FIGN: variants seen among roughly 807,000 people sequenced by gnomAD.
FIGN encodes fidgetin.
Under a neutral mutation model 51.3 loss-of-function variants are expected in FIGN, and 11 were observed. The observed-to-expected ratio is 0.21, with a 90% CI of 0.13 to 0.35. The LOEUF (loss-of-function observed/expected upper bound fraction) is 0.35. Ranked by LOEUF, FIGN falls within the 10% of genes least tolerant of loss-of-function variation. The pLI, the probability that FIGN is intolerant of heterozygous loss-of-function variation, is 1.00. For synonymous variants in FIGN, 407 were observed against 363.2 expected (o/e 1.12, Z -1.37); for missense variants, 857 against 943.6 (o/e 0.91, Z 1.20).
intron 2 of FIGN, among the ~76,000 whole-genome samples, chr2:163,622,433 A>G (rs952221268): frequency 6.6e-6 from 1 of 152,134 alleles, no homozygotes; most frequent in African/African-American, 2.4e-5. Flanking sequence ...CTATTGTAAA[A>G]TTTTATACTT....
chr2:163,671,734 G>A (rs1683880647), intron 2 of FIGN, among the ~76,000 whole-genome samples: 1 of 152,128 alleles, frequency 6.6e-6, no homozygotes, highest in African/African-American at 2.4e-5. Context: ...CCATAAAAAT[G>A]TGTTAAGTCC....
At chr2:163,629,467 T>C in intron 2 of FIGN, among the ~76,000 whole-genome samples, 1 of 152,088 alleles carries the variant, frequency 6.6e-6, no homozygotes, top group East Asian at 1.9e-4. Flanking sequence ...ATTTTCCTCA[T>C]TGATAACCAT....
intron 2 of FIGN, among the ~76,000 whole-genome samples, chr2:163,734,257 C>T (rs1475710999): frequency 6.6e-6 from 1 of 151,796 alleles, no homozygotes; most frequent in Non-Finnish European, 1.5e-5. Context: ...AAAACCTATC[C>T]CTACTCTTTA....
chr2:163,682,419 T>C (rs1276603826), intron 2 of FIGN, among the ~76,000 whole-genome samples: 1 of 152,212 alleles, frequency 6.6e-6, no homozygotes, highest in African/African-American at 2.4e-5. Context: ...TTAAGCTTTG[T>C]CTATGCTGGA....
intron 2 of FIGN, among the ~76,000 whole-genome samples, chr2:163,715,305 C>T (rs1457618762): frequency 6.6e-6 from 1 of 152,144 alleles, no homozygotes; most frequent in Non-Finnish European, 1.5e-5. Flanking sequence ...GAGTCCCAGC[C>T]CTGCCTCCAG....
At chr2:163,732,934 GT>G (rs1684954280) in intron 2 of FIGN, among the ~76,000 whole-genome samples, 1 of 152,200 alleles carries the variant, frequency 6.6e-6, no homozygotes, top group Non-Finnish European at 1.5e-5. Context: ...AGCTGCCAGA[GT>G]GTGAGCACTT....
chr2:163,623,858 C>A (rs935632131), intron 2 of FIGN, among the ~76,000 whole-genome samples: 1 of 152,030 alleles, frequency 6.6e-6, no homozygotes, highest in African/African-American at 2.4e-5. Flanking sequence ...ATTATTTTAT[C>A]TAGCTCAATT....
chr2:163,650,968 T>A (rs1559008982), intron 2 of FIGN, among the ~76,000 whole-genome samples: 1 of 152,240 alleles, frequency 6.6e-6, no homozygotes, highest in East Asian at 1.9e-4. Flanking sequence ...AGAAATAGTT[T>A]CTGTGTTGAG....
At chr2:163,728,999 C>T (rs1684885691) in intron 2 of FIGN, among the ~76,000 whole-genome samples, 1 of 152,114 alleles carries the variant, frequency 6.6e-6, no homozygotes, top group African/African-American at 2.4e-5. Context: ...CTTCACATTG[C>T]ACTACCTTTA....
intron 2 of FIGN, among the ~76,000 whole-genome samples, chr2:163,714,216 A>G (rs922767182): frequency 1.3e-5 from 2 of 152,192 alleles, no homozygotes; most frequent in Non-Finnish European, 2.9e-5. Context: ...CCAGGATTTC[A>G]TAGTCAATGG....
At chr2:163,681,417 G>A (rs900781147) in intron 2 of FIGN, among the ~76,000 whole-genome samples, 2 of 152,042 alleles carry the variant, frequency 1.3e-5, no homozygotes, top group Non-Finnish European at 2.9e-5. Context: ...TTTTAAAAAT[G>A]TGACTCCTGG....
At chr2:163,677,962 G>A (rs893958371) in intron 2 of FIGN, among the ~76,000 whole-genome samples, 1 of 152,138 alleles carries the variant, frequency 6.6e-6, no homozygotes, top group South Asian at 2.1e-4. Context: ...GACCTTTTAA[G>A]AATAGTTTTA....
intron 2 of FIGN, among the ~76,000 whole-genome samples, chr2:163,672,331 T>A (rs765661220): frequency 6.6e-6 from 1 of 151,826 alleles, no homozygotes; most frequent in Non-Finnish European, 1.5e-5. Flanking sequence ...CTGAGGAAAC[T>A]GGGTATATTG....
chr2:163,735,214 G>A, intron 1 of FIGN, 142 bp from the exon 2 acceptor site: 1 of 442,568 alleles, frequency 2.3e-6, no homozygotes, highest in Non-Finnish European at 4.0e-6. Flanking sequence ...AAACTAACAA[G>A]AGCTCCGGGG....
chr2:163,644,674 A>T (rs377486901), intron 2 of FIGN, among the ~76,000 whole-genome samples: 132 of 152,348 alleles, frequency 8.7e-4, no homozygotes, highest in African/African-American at 3.1e-3. Context: ...ATATGGAAGC[A>T]ACCCAAATAT....
At chr2:163,648,264 ATTC>A (rs1469112886) in intron 2 of FIGN, among the ~76,000 whole-genome samples, 1 of 152,068 alleles carries the variant, frequency 6.6e-6, no homozygotes, top group Non-Finnish European at 1.5e-5. Context: ...TTGGGTTGCT[ATTC>A]TTCTGTTTTG....
At chr2:163,650,462 T>C (rs1683455081) in intron 2 of FIGN, among the ~76,000 whole-genome samples, 2 of 152,096 alleles carry the variant, frequency 1.3e-5, no homozygotes, top group South Asian at 4.1e-4. Flanking sequence ...GTTACATAGG[T>C]ATACACGTGC....
intron 2 of FIGN, among the ~76,000 whole-genome samples, chr2:163,711,185 C>G (rs1038480901): frequency 6.6e-6 from 1 of 152,094 alleles, no homozygotes; most frequent in Admixed American, 6.5e-5. Context: ...ATTTTACCAG[C>G]CTTGGAATTC....
chr2:163,726,343 G>A (rs936976286), intron 2 of FIGN, among the ~76,000 whole-genome samples: 1 of 151,996 alleles, frequency 6.6e-6, no homozygotes, highest in Non-Finnish European at 1.5e-5. Flanking sequence ...AGGGCAGGGG[G>A]GATAAGACCC....
Sources: gnomAD v4.1 joint callset for allele counts (sites outside exome capture counted in the v4.1 genomes callset) on GRCh38, gnomAD v4.1.1 for gene constraint, MANE v1.5 for transcripts, NCBI Gene and HGNC (gene_info 2026-07-23, HGNC 2026-07-21) for gene names.